ENPP6: variants seen among roughly 807,000 people sequenced by gnomAD.
ENPP6 encodes glycerophosphocholine cholinephosphodiesterase ENPP6.
A neutral mutation model predicts 42.0 loss-of-function variants in ENPP6; 32 were observed. That is an observed-to-expected ratio of 0.76 (90% confidence interval 0.58 to 1.02). The LOEUF (loss-of-function observed/expected upper bound fraction) is 1.02, where lower values mean the gene tolerates loss of function less well. ENPP6 is among the 50% of genes least tolerant of loss of function. The probability of loss-of-function intolerance (pLI) is 0.00; values close to 1 mark genes in which losing one functional copy is unlikely to be tolerated. For missense variants in ENPP6, 552 were observed against 566.8 expected, an observed-to-expected ratio of 0.97 and a Z score of 0.27; for synonymous variants, 213 against 216.0, an observed-to-expected ratio of 0.99 and a Z score of 0.12.
intron 2 of ENPP6, among the ~76,000 whole-genome samples, chr4:184,141,007 T>C (rs1030734814): frequency 1.8e-5 from 2 of 113,236 alleles, no homozygotes; most frequent in African/African-American, 3.2e-5. Flanking sequence ...AAAGGGCTAA[T>C]ATCCAGAATC....
At chr4:184,092,084 T>C (rs1210749037) in intron 7 of ENPP6, among the ~76,000 whole-genome samples, 5 of 152,170 alleles carry the variant, frequency 3.3e-5, no homozygotes, top group Admixed American at 3.3e-4. Context: ...TTAAATGCTA[T>C]GTCATTTTTC....
At chr4:184,093,421 A>G (rs1735841693) in intron 7 of ENPP6, among the ~76,000 whole-genome samples, 1 of 151,702 alleles carries the variant, frequency 6.6e-6, no homozygotes, top group South Asian at 2.1e-4. Context: ...GGCAGATCAC[A>G]TGAAGTCAGG....
At position 184,102,339 on chromosome 4, in the gene ENPP6, G is replaced by A. The variant is rs138034980; in HGVS notation, c.994-4971C>T. 3.1e-3 allele frequency among the ~76,000 whole-genome samples: 465 copies of A among 152,286 alleles called. 5 individuals are homozygous for A. Among genetic ancestry groups the A allele is most frequent in the African/African-American group, 0.011 (446 of 41,544 alleles). ...GAGGGGTGGAAGGACAGGACGAGGC[G>A]AGGAGCACTGAGTGGTCCATGTTTA... On this transcript the variant is annotated intron_variant, in intron 6 of 7. Transcript: ENST00000296741.
At position 184,097,469 on chromosome 4, in the gene ENPP6, T is replaced by A. The variant is rs969578539; in HGVS notation, c.994-101A>T. Reference sequence around the variant, plus strand: ...ACTCCACCGGGGGGCGCTTTCCTCCTCTGCGCTCCGACTGACCCAGACTGA... The same window carrying A: ...ACTCCACCGGGGGGCGCTTTCCTCCACTGCGCTCCGACTGACCCAGACTGA... On this transcript the variant is annotated intron_variant, in intron 6 of 7. Transcript: ENST00000296741. The A allele has an allele frequency of 6.5e-6, 10 of 1,533,536 alleles. No homozygotes were observed. In the Admixed American group the frequency reaches 7.4e-5, roughly 11 times the overall value. 95.0% of individuals were successfully genotyped at this position (1,533,536 alleles called of 1,614,324 possible). A position where few individuals can be genotyped will look rare whatever the true frequency, so the allele number is the denominator to read the frequency against.
chr4:184,106,839 G>A (rs950371480), intron 6 of ENPP6, among the ~76,000 whole-genome samples: 3 of 152,240 alleles, frequency 2.0e-5, no homozygotes, highest in South Asian at 2.1e-4. Context: ...GGCCGTCGCT[G>A]TAGTCGGCAC....
chr4:184,113,957 T>TTCTTTCTC (rs1247330897), intron 5 of ENPP6, among the ~76,000 whole-genome samples: 3 of 136,372 alleles, frequency 2.2e-5, no homozygotes, highest in Non-Finnish European at 3.3e-5. Context: ...CTTTCTTTCT[T>TTCTTTCTC]TCTTTCTCTC....
At chr4:184,144,880 A>G (rs1736892883) in intron 2 of ENPP6, among the ~76,000 whole-genome samples, 1 of 152,190 alleles carries the variant, frequency 6.6e-6, no homozygotes, top group South Asian at 2.1e-4. Flanking sequence ...TCGTTCCTTT[A>G]TGTAAGGCAC....
chr4:184,180,072 C>T (rs149894224), intron 1 of ENPP6, among the ~76,000 whole-genome samples: 12 of 138,542 alleles, frequency 8.7e-5, no homozygotes, highest in African/African-American at 2.5e-4. Context: ...AAAAAATCAA[C>T]GAATCCAGGA....
At chr4:184,180,603 T>C (rs1241716327) in intron 1 of ENPP6, among the ~76,000 whole-genome samples, 1 of 151,866 alleles carries the variant, frequency 6.6e-6, no homozygotes, top group Non-Finnish European at 1.5e-5. Flanking sequence ...TAGATGCAAA[T>C]ATCCTCAATA....
chr4:184,107,118 C>T (rs1248126331), intron 6 of ENPP6, among the ~76,000 whole-genome samples: 2 of 152,158 alleles, frequency 1.3e-5, no homozygotes, highest in East Asian at 3.9e-4. Context: ...CTGAGAACCA[C>T]GGTGGAGCCA....
At chr4:184,205,837 G>T (rs927706915) in intron 1 of ENPP6, among the ~76,000 whole-genome samples, 2 of 152,200 alleles carry the variant, frequency 1.3e-5, no homozygotes, top group Admixed American at 1.3e-4. Flanking sequence ...ACAGAGGAAG[G>T]TCAGGGAGAT....
At chr4:184,099,751 T>C (rs2111330961) in intron 6 of ENPP6, among the ~76,000 whole-genome samples, 1 of 152,370 alleles carries the variant, frequency 6.6e-6, no homozygotes, top group Non-Finnish European at 1.5e-5. Flanking sequence ...GGAAGGTTTC[T>C]TTCACTTACT....
chr4:184,199,816 C>T (rs142976201), intron 1 of ENPP6, among the ~76,000 whole-genome samples: 16 of 152,324 alleles, frequency 1.1e-4, no homozygotes, highest in Admixed American at 5.9e-4. Flanking sequence ...CACAGCGTCT[C>T]GCTGGGAGCC....
intron 1 of ENPP6, among the ~76,000 whole-genome samples, chr4:184,166,927 G>A (rs1737358860): frequency 1.3e-5 from 2 of 152,244 alleles, no homozygotes; most frequent in African/African-American, 2.4e-5. Context: ...ACCAGGCTCC[G>A]CCTGCAGGTG....
chr4:184,154,808 A>G (rs1025462032), intron 1 of ENPP6, among the ~76,000 whole-genome samples: 10 of 152,248 alleles, frequency 6.6e-5, no homozygotes, highest in Non-Finnish European at 4.4e-5. Flanking sequence ...CTTGACCAAA[A>G]CTTTCACATT....
intron 7 of ENPP6, among the ~76,000 whole-genome samples, chr4:184,092,157 G>A (rs1003444441): frequency 4.6e-5 from 7 of 151,974 alleles, no homozygotes; most frequent in Non-Finnish European, 1.0e-4. Flanking sequence ...AGGCCGCACG[G>A]CAACTCAAGA....
At chr4:184,212,870 G>A (rs1340653092) in intron 1 of ENPP6, among the ~76,000 whole-genome samples, 2 of 152,076 alleles carry the variant, frequency 1.3e-5, no homozygotes, top group African/African-American at 4.8e-5. Context: ...AAAACAGCAT[G>A]GTACTGGTAC....
chr4:184,162,822 GGCT>G (rs142301792), intron 1 of ENPP6, among the ~76,000 whole-genome samples: 6,822 of 152,250 alleles, frequency 0.045, 172 homozygotes, highest in South Asian at 0.063. Context: ...GCAATAAACA[GGCT>G]GCACAGAGTT....
At chr4:184,215,612 T>C (rs976533006) in intron 1 of ENPP6, among the ~76,000 whole-genome samples, 10 of 152,162 alleles carry the variant, frequency 6.6e-5, no homozygotes, top group Admixed American at 5.9e-4. Context: ...TACAGAAACA[T>C]GAGCCTTGCT....
Sources: gnomAD v4.1 joint callset for allele counts (sites outside exome capture counted in the v4.1 genomes callset) on GRCh38, gnomAD v4.1.1 for gene constraint, MANE v1.5 for transcripts, NCBI Gene and HGNC (gene_info 2026-07-23, HGNC 2026-07-21) for gene names.